Variants in PTPRE observed in about 807,000 individuals in gnomAD.
The protein encoded by PTPRE is receptor-type tyrosine-protein phosphatase epsilon.
In PTPRE, 51 loss-of-function variants were observed where a neutral mutation model predicts 102.0. The observed-to-expected ratio is 0.50, with a 90% CI of 0.40 to 0.63. The LOEUF is 0.63. Among genes scored for constraint, PTPRE ranks in the 30% least tolerant of loss-of-function variants. The pLI, the probability that PTPRE is intolerant of heterozygous loss-of-function variation, is 0.00. For synonymous variants in PTPRE, 345 were observed against 348.2 expected, an observed-to-expected ratio of 0.99 and a Z score of 0.10; for missense variants, 752 against 915.1, an observed-to-expected ratio of 0.82 and a Z score of 2.30.
In PTPRE at chr10:128,084,404, A is replaced by C. The variant is rs1228330571; in HGVS notation, c.*1498A>C. 1.3e-5 allele frequency: 2 copies of C among 152,240 alleles called. No homozygotes were observed. The highest frequency in any genetic ancestry group is 2.9e-5 in the Non-Finnish European group (2 of 68,050). The allele number at this position is 152,240 out of a possible 1,614,324, so 9.4% of individuals were successfully genotyped here. A position where few individuals can be genotyped will look rare whatever the true frequency, so the allele number is the denominator to read the frequency against. ...TTGCAGTGTTCGTCCCCTATTCATT[A>C]ACAGTGTGTGCAAATGCAACCCCAG... On this transcript the variant is annotated 3_prime_UTR_variant, in exon 21 of 21. Transcript: ENST00000254667.
chr10:127,993,612 G>A (rs1852920026), intron 2 of PTPRE, among the ~76,000 whole-genome samples: 1 of 152,208 alleles, frequency 6.6e-6, no homozygotes. Context: ...AGGGGGAGTA[G>A]GGAGAAGACA....
At position 128,040,874 on chromosome 10, in the gene PTPRE, G is replaced by A. The variant is rs1847631454; in HGVS notation, c.-7-1G>A. ...CTGAGCCTGTCCCTGCCTCTCTGCA[G>A]GTCCACCATGGAGCCCTTGTGTCCA... On this transcript the variant is annotated splice_acceptor_variant, in intron 2 of 20. Transcript: ENST00000254667. LOFTEE classifies it low-confidence loss of function (5UTR_SPLICE). 1.2e-6 allele frequency: 2 copies of A among 1,613,322 alleles called. No homozygotes were observed. Among genetic ancestry groups the A allele is most frequent in the African/African-American group, 2.7e-5 (2 of 74,896 alleles).
At chr10:127,990,411 C>CAAAAAAAAAAAAAA (rs60034358) in intron 2 of PTPRE, among the ~76,000 whole-genome samples, 23 of 65,640 alleles carry the variant, frequency 3.5e-4, no homozygotes, top group East Asian at 1.1e-3. Context: ...GACTCCACCT[C>CAAAAAAAAAAAAAA]AAAAAAAAAA....
At chr10:127,908,050 G>C (rs929558639) in intron 1 of PTPRE, among the ~76,000 whole-genome samples, 3 of 152,204 alleles carry the variant, frequency 2.0e-5, no homozygotes, top group Non-Finnish European at 4.4e-5. Context: ...GAGCCAAGCC[G>C]GATGGAGACC....
chr10:128,034,687 G>A (rs1237438457), intron 2 of PTPRE, among the ~76,000 whole-genome samples: 1 of 152,126 alleles, frequency 6.6e-6, no homozygotes, highest in Non-Finnish European at 1.5e-5. Flanking sequence ...ACAAACAAAT[G>A]AGGTTATGAA....
intron 1 of PTPRE, among the ~76,000 whole-genome samples, chr10:127,930,695 C>T (rs543406519): frequency 1.3e-5 from 2 of 152,290 alleles, no homozygotes; most frequent in South Asian, 4.2e-4. Flanking sequence ...TTCCCAACTA[C>T]TTTCTGTCAT....
chr10:127,984,659 G>A (rs973228072), intron 2 of PTPRE, among the ~76,000 whole-genome samples: 4 of 152,106 alleles, frequency 2.6e-5, no homozygotes, highest in East Asian at 3.9e-4. Context: ...TCATGGGGGC[G>A]GTTCCCCCAT....
intron 11 of PTPRE, among the ~76,000 whole-genome samples, chr10:128,067,155 C>T (rs1226450553): frequency 4.1e-5 from 6 of 147,210 alleles, no homozygotes; most frequent in African/African-American, 1.5e-4. Context: ...GCACACACAC[C>T]CCACTCACAT....
At chr10:127,961,689 T>C (rs1446043358) in intron 1 of PTPRE, among the ~76,000 whole-genome samples, 2 of 152,156 alleles carry the variant, frequency 1.3e-5, no homozygotes, top group Non-Finnish European at 2.9e-5. Flanking sequence ...ACTGTGTGAC[T>C]CTCCCCAGCG....
rs529333945 is a variant in PTPRE, at chr10:127,973,423, G to T, written c.-30-8851G>T. On this transcript the variant is annotated intron_variant, in intron 1 of 20. Coordinates refer to ENST00000254667, the MANE Select transcript of PTPRE (RefSeq NM_006504.6). ...TTATCTCTCATTTGTTTTCAAGCTAGCCTCTTTTTTGTGCATTTTATAGGG... is the reference window on the plus strand; with the variant it reads ...TTATCTCTCATTTGTTTTCAAGCTATCCTCTTTTTTGTGCATTTTATAGGG... Among the ~76,000 whole-genome samples the T allele has an allele frequency of 2.6e-5, 4 of 152,208 alleles. No individual in the cohort carries two copies. The East Asian group carries it at 7.7e-4, about 29-fold the overall frequency.
At chr10:127,993,842 C>T (rs991971180) in intron 2 of PTPRE, among the ~76,000 whole-genome samples, 3 of 152,032 alleles carry the variant, frequency 2.0e-5, no homozygotes, top group Admixed American at 1.3e-4. Context: ...CACTAGGATA[C>T]TCTCACTGCC....
intron 2 of PTPRE, among the ~76,000 whole-genome samples, chr10:127,987,675 CAGACAG>C (rs1852209730): frequency 6.6e-6 from 1 of 152,108 alleles, no homozygotes; most frequent in Non-Finnish European, 1.5e-5. Flanking sequence ...GGTGGGTTGT[CAGACAG>C]CCAAGAATCC....
intron 6 of PTPRE, 50 bp from the exon 7 acceptor site, chr10:128,056,073 A>G (rs919136198): frequency 6.4e-6 from 9 of 1,404,820 alleles, no homozygotes; most frequent in African/African-American, 2.8e-5. Flanking sequence ...TGACATGAGC[A>G]TGGTGCTTGA....
intron 1 of PTPRE, among the ~76,000 whole-genome samples, chr10:127,916,604 G>A (rs1287531232): frequency 6.6e-6 from 1 of 152,212 alleles, no homozygotes; most frequent in Admixed American, 6.5e-5. Context: ...ATTCCAGACA[G>A]AGGGGCTACC....
chr10:128,082,979 T>C lies in PTPRE; in HGVS notation c.*73T>C, dbSNP rs778434925. 1.5e-6 allele frequency: 2 copies of C among 1,336,166 alleles called. No individual in the cohort carries two copies. Among genetic ancestry groups the C allele is most frequent in the Non-Finnish European group, 2.0e-6 (2 of 1,010,652 alleles). 82.8% of individuals were successfully genotyped at this position (1,336,166 alleles called of 1,614,324 possible). ...GTAAAAATCATGTTAATTTATTTCA[T>C]AGTTGACATTAATATCTTCCCTAAT... On this transcript the variant is annotated 3_prime_UTR_variant, in exon 21 of 21. Coordinates refer to ENST00000254667, the MANE Select transcript of PTPRE (RefSeq NM_006504.6).
chr10:128,039,712 A>G (rs541948904), intron 2 of PTPRE, among the ~76,000 whole-genome samples: 1 of 150,612 alleles, frequency 6.6e-6, no homozygotes. Context: ...GTCCATTTGC[A>G]TCCCTGAGGG....
At chr10:128,009,398 T>C (rs1327724376) in intron 2 of PTPRE, among the ~76,000 whole-genome samples, 1 of 152,216 alleles carries the variant, frequency 6.6e-6, no homozygotes, top group Non-Finnish European at 1.5e-5. Context: ...GATGTTTTCT[T>C]GTGTTCGTGA....
intron 1 of PTPRE, among the ~76,000 whole-genome samples, chr10:127,953,094 T>C (rs1437718381): frequency 6.6e-6 from 1 of 152,230 alleles, no homozygotes; most frequent in East Asian, 1.9e-4. Context: ...CATTTCTCCT[T>C]TGGGTGTGTT....
intron 2 of PTPRE, among the ~76,000 whole-genome samples, chr10:127,991,977 C>A (rs1387407399): frequency 1.3e-5 from 2 of 152,154 alleles, no homozygotes; most frequent in African/African-American, 2.4e-5. Flanking sequence ...GTGAGTCCCT[C>A]CTGCCTGTCC....
Sources: gnomAD v4.1 joint callset for allele counts (sites outside exome capture counted in the v4.1 genomes callset) on GRCh38, gnomAD v4.1.1 for gene constraint, MANE v1.5 for transcripts, NCBI Gene and HGNC (gene_info 2026-07-23, HGNC 2026-07-21) for gene names.